Variants in MACROD2 observed in about 807,000 individuals in gnomAD.
The protein encoded by MACROD2 is mono-ADP ribosylhydrolase 2.
In MACROD2, 36 loss-of-function variants were observed where a neutral mutation model predicts 70.4. That is an observed-to-expected ratio of 0.51 (90% CI 0.39 to 0.68). The LOEUF is 0.68. Among genes scored for constraint, MACROD2 ranks in the 30% least tolerant of loss-of-function variants. The probability of loss-of-function intolerance (pLI) is 0.00; values close to 1 mark genes in which losing one functional copy is unlikely to be tolerated. For missense variants in MACROD2, 496 were observed against 538.4 expected, an observed-to-expected ratio of 0.92 and a Z score of 0.78; for synonymous variants, 172 against 178.8, an observed-to-expected ratio of 0.96 and a Z score of 0.30.
Position 16,050,845 on chromosome 20 carries a change from C to T in MACROD2, c.*969C>T, listed in dbSNP as rs1409351559. On this transcript the variant is annotated 3_prime_UTR_variant, in exon 18 of 18. Transcript: ENST00000684519. Reference sequence around the variant, plus strand: ...GGCTTGACAGCCCACAGAGTGGTCTCATTTGAAATTACAGGAAATTAGAGC... The same window carrying T: ...GGCTTGACAGCCCACAGAGTGGTCTTATTTGAAATTACAGGAAATTAGAGC... 6.6e-6 allele frequency: 1 copy of T among 152,250 alleles called. No homozygotes were observed. The highest frequency in any genetic ancestry group is 1.5e-5 in the Non-Finnish European group (1 of 68,060). 9.4% of individuals were successfully genotyped at this position (152,250 alleles called of 1,614,324 possible). A position where few individuals can be genotyped will look rare whatever the true frequency, so the allele number is the denominator to read the frequency against.
chr20:15,995,359 T>A (rs1222603818), intron 15 of MACROD2, among the ~76,000 whole-genome samples: 1 of 151,026 alleles, frequency 6.6e-6, no homozygotes, highest in Admixed American at 6.6e-5. Flanking sequence ...ATTATTATTA[T>A]TTTTTTTGGA....
intron 4 of MACROD2, among the ~76,000 whole-genome samples, chr20:14,653,521 AT>A (rs34531975): frequency 0.24 from 32,717 of 137,342 alleles, 5,853 homozygotes; most frequent in African/African-American, 0.5. Context: ...CCCGGCTGCA[AT>A]TTTTTTTTTT....
At chr20:15,965,132 G>T (rs563266184) in intron 12 of MACROD2, among the ~76,000 whole-genome samples, 10 of 152,290 alleles carry the variant, frequency 6.6e-5, no homozygotes, top group African/African-American at 2.2e-4. Flanking sequence ...GCATCTGGCA[G>T]CATTTTCTTC....
At chr20:15,480,500 A>C (rs931122171) in intron 7 of MACROD2, among the ~76,000 whole-genome samples, 4 of 152,112 alleles carry the variant, frequency 2.6e-5, no homozygotes, top group African/African-American at 9.7e-5. Context: ...TTGTTTTATA[A>C]TAGCACAATT....
At chr20:14,290,295 G>A (rs2082375670) in intron 3 of MACROD2, among the ~76,000 whole-genome samples, 1 of 152,152 alleles carries the variant, frequency 6.6e-6, no homozygotes, top group Non-Finnish European at 1.5e-5. Flanking sequence ...TTAAAAGATA[G>A]ATACATAGTA....
intron 5 of MACROD2, among the ~76,000 whole-genome samples, chr20:15,016,974 C>T (rs1404557227): frequency 6.6e-6 from 1 of 152,088 alleles, no homozygotes; most frequent in Non-Finnish European, 1.5e-5. Context: ...GGGGTCACAG[C>T]CAAACCATAT....
intron 5 of MACROD2, among the ~76,000 whole-genome samples, chr20:15,110,763 C>A (rs1054499022): frequency 1.3e-5 from 2 of 152,128 alleles, no homozygotes; most frequent in Non-Finnish European, 2.9e-5. Flanking sequence ...CTCCATCAAC[C>A]CTCCTGTGCA....
intron 8 of MACROD2, among the ~76,000 whole-genome samples, chr20:15,576,552 G>GTTTTTTTTTTTTTTT (rs11473854): frequency 2.1e-5 from 3 of 145,752 alleles, no homozygotes; most frequent in Non-Finnish European, 3.0e-5. Context: ...TGCACAAAAT[G>GTTTTTTTTTTTTTTT]TTTTTTTTTT....
At chr20:15,036,234 G>A (rs1456825919) in intron 5 of MACROD2, among the ~76,000 whole-genome samples, 1 of 151,986 alleles carries the variant, frequency 6.6e-6, no homozygotes, top group Non-Finnish European at 1.5e-5. Context: ...TTCCTGGATT[G>A]GTGCTATCTC....
chr20:14,967,543 T>C (rs1390292100), intron 5 of MACROD2, among the ~76,000 whole-genome samples: 2 of 152,176 alleles, frequency 1.3e-5, no homozygotes, highest in Non-Finnish European at 2.9e-5. Flanking sequence ...AGACTGTGAA[T>C]ATTATTTCTC....
At chr20:14,425,484 T>C (rs2083923095) in intron 3 of MACROD2, among the ~76,000 whole-genome samples, 1 of 152,220 alleles carries the variant, frequency 6.6e-6, no homozygotes, top group East Asian at 1.9e-4. Flanking sequence ...TCCTTTTCTG[T>C]GCAGCTCTTA....
At chr20:15,021,505 T>A (rs889794102) in intron 5 of MACROD2, 9 of 150,978 alleles carry the variant, frequency 6.0e-5, no homozygotes, top group Non-Finnish European at 1.0e-4. Flanking sequence ...TGTATACATA[T>A]ATGCCTATAT....
chr20:15,325,280 C>T (rs958193946), intron 6 of MACROD2, among the ~76,000 whole-genome samples: 9 of 152,018 alleles, frequency 5.9e-5, no homozygotes, highest in Admixed American at 5.9e-4. Context: ...AAGTCTATGA[C>T]CTTTTGAGGT....
chr20:15,346,387 C>A (rs1209677821), intron 6 of MACROD2, among the ~76,000 whole-genome samples: 1 of 152,156 alleles, frequency 6.6e-6, no homozygotes, highest in Non-Finnish European at 1.5e-5. Flanking sequence ...CAGGCAACTT[C>A]CCAGAGACTA....
intron 5 of MACROD2, among the ~76,000 whole-genome samples, chr20:14,952,421 T>C (rs2074483299): frequency 6.6e-6 from 1 of 152,180 alleles, no homozygotes; most frequent in African/African-American, 2.4e-5. Flanking sequence ...AGGTCTTGAA[T>C]ATTATATTTT....
At chr20:15,246,046 G>A (rs1271919997) in intron 6 of MACROD2, among the ~76,000 whole-genome samples, 3 of 152,136 alleles carry the variant, frequency 2.0e-5, no homozygotes, top group African/African-American at 7.2e-5. Context: ...CAGATGTAAC[G>A]AACCATAGGC....
chr20:15,818,276 G>A (rs2063898883), intron 8 of MACROD2, among the ~76,000 whole-genome samples: 2 of 152,190 alleles, frequency 1.3e-5, no homozygotes, highest in African/African-American at 4.8e-5. Flanking sequence ...GCTCGACTGA[G>A]TATACTTATA....
chr20:14,699,982 AAAGTTTAAAGTTTAAATCTAG>A (rs1426766148), intron 5 of MACROD2, among the ~76,000 whole-genome samples: 2,123 of 99,342 alleles, frequency 0.021, 74 homozygotes, highest in African/African-American at 0.065. Flanking sequence ...CTAGAAGTTT[AAAGTTTAAAGTTTAAATCTAG>A]AAGTTTAAAG....
chr20:15,250,940 A>G (rs2077150591), intron 6 of MACROD2, among the ~76,000 whole-genome samples: 1 of 152,306 alleles, frequency 6.6e-6, no homozygotes, highest in Admixed American at 6.5e-5. Flanking sequence ...GAATGAATAA[A>G]TGAATGTTGA....
Sources: allele counts gnomAD v4.1 joint callset (sites outside exome capture counted in the v4.1 genomes callset), GRCh38; gene constraint gnomAD v4.1.1; transcripts MANE v1.5; gene names NCBI Gene and HGNC (gene_info 2026-07-23, HGNC 2026-07-21).